Variants in USP40 observed in about 807,000 individuals in gnomAD.
USP40 encodes the protein ubiquitin specific peptidase 40.
A neutral mutation model predicts 166.2 loss-of-function variants in USP40; 143 were observed. The observed-to-expected ratio is 0.86, with a 90% CI of 0.75 to 0.99. The LOEUF (loss-of-function observed/expected upper bound fraction) is 0.99, where lower values mean the gene tolerates loss of function less well. Among genes scored for constraint, USP40 ranks in the 50% least tolerant of loss-of-function variants. The pLI is 0.00. For synonymous variants in USP40, 498 were observed against 524.0 expected, an observed-to-expected ratio of 0.95 and a Z score of 0.68; for missense variants, 1,444 against 1,479.7, an observed-to-expected ratio of 0.98 and a Z score of 0.40.
At chr2:233,525,386 G>C in intron 14 of USP40, 92 bp downstream of exon 14, 1 of 845,720 alleles carries the variant, frequency 1.2e-6, no homozygotes, top group Admixed American at 2.1e-5. Context: ...TAGTAGGTGG[G>C]GAAGGACTGA....
chr2:233,517,439 C>T (rs988280804), intron 18 of USP40, among the ~76,000 whole-genome samples: 2 of 140,120 alleles, frequency 1.4e-5, no homozygotes, highest in African/African-American at 5.4e-5. Flanking sequence ...GGCTGGAGAG[C>T]AGTGGCGCGA....
chr2:233,547,405 GA>G (rs751454796), intron 8 of USP40, among the ~76,000 whole-genome samples: 6 of 152,092 alleles, frequency 3.9e-5, no homozygotes, highest in South Asian at 2.1e-4. Flanking sequence ...TAGAATGTCA[GA>G]AATACAGACG....
rs553476711 is a variant in USP40 at position 233,488,934 on chromosome 2, G to T, written c.3131+431C>A. Among the ~76,000 whole-genome samples, 3 of 151,726 alleles carry T rather than the reference G, an allele frequency of 2.0e-5. No individual in the cohort carries two copies. The East Asian group carries it at 5.8e-4, about 29-fold the overall frequency. On this transcript the variant is annotated intron_variant, in intron 27 of 31. Transcript: ENST00000678225. ...AAGAAAAGAAAGAAAAGGAAAGAAA[G>T]GAAAGAAAGAAAAGAAAGAAACGAG...
At chr2:233,566,629 T>C in intron 1 of USP40, 55 bp downstream of exon 1, 1 of 951,272 alleles carries the variant, frequency 1.1e-6, no homozygotes, top group Non-Finnish European at 1.3e-6. Context: ...CCACCAACAC[T>C]GTCCCTACGC....
Position 233,489,475 on chromosome 2 carries a change from G to A in USP40, c.3021C>T (p.Thr1007=), listed in dbSNP as rs1377735593. The change falls in exon 27 of 32, where the codon ACC becomes ACT. Residue 1007 remains threonine, a synonymous_variant. Coordinates refer to ENST00000678225, the MANE Select transcript of USP40 (RefSeq NM_001365479.2). ...TLAELKSQAM[T]LPPFLEFGVP... is the part of the protein sequence containing the mutation. ...CACCGAACTCCAGGAAAGGAGGCAA[G>A]GTCATGGCCTAGAAAAAGAAACAGA... 3 of 1,600,646 alleles carry A rather than the reference G, an allele frequency of 1.9e-6. No individual in the cohort carries two copies. The highest frequency in any genetic ancestry group is 1.7e-5 in the Admixed American group (1 of 57,960).
chr2:233,549,199 C>CAT lies in USP40; in HGVS notation c.866_867dup (p.Asp290MetfsTer42). ...TTGTGTATAATAACTGAGAAGAGGT[C>CAT]ATATATATATTCTAAGTCATCCAAT... On this transcript the variant is annotated frameshift_variant, in exon 8 of 32. Transcript: ENST00000678225. LOFTEE classifies it high-confidence loss of function. 2.7e-6 allele frequency: 4 copies of CAT among 1,502,644 alleles called. No homozygotes were observed. Among genetic ancestry groups the CAT allele is most frequent in the Non-Finnish European group, 3.7e-6 (4 of 1,091,612 alleles). The allele number at this position is 1,502,644 out of a possible 1,614,324, so 93.1% of individuals were successfully genotyped here.
intron 21 of USP40, among the ~76,000 whole-genome samples, chr2:233,506,256 G>A (rs1010462815): frequency 2.0e-5 from 3 of 152,146 alleles, no homozygotes; most frequent in Admixed American, 6.5e-5. Flanking sequence ...GAAAATGATA[G>A]TCTCTTCAAC....
rs1265497394 is a variant in USP40, at chr2:233,481,126, TCA to T, written c.3599+75_3599+76del. 10 of 1,380,284 alleles carry T rather than the reference TCA, an allele frequency of 7.2e-6. No homozygotes were observed. The Admixed American group carries it at 2.2e-4, about 30-fold the overall frequency. The allele number at this position is 1,380,284 out of a possible 1,614,324, so 85.5% of individuals were successfully genotyped here. Reference sequence around the variant, plus strand: ...AATCAACAAGAGTTTCCGGTCCCTCTCAGTTTCCAAGCAGGAATAAGAGAGAG... The same window carrying T: ...AATCAACAAGAGTTTCCGGTCCCTCTGTTTCCAAGCAGGAATAAGAGAGAG... On this transcript the variant is annotated intron_variant, in intron 31 of 31. Coordinates refer to ENST00000678225, the MANE Select transcript of USP40 (RefSeq NM_001365479.2).
At position 233,529,814 on chromosome 2, in the gene USP40, C is replaced by CT. The variant is rs369071345; in HGVS notation, c.1472-303dup. 8.8e-4 allele frequency among the ~76,000 whole-genome samples: 118 copies of CT among 133,936 alleles called. 4 individuals carry two copies. Among genetic ancestry groups the CT allele is most frequent in the Admixed American group, 2.6e-3 (32 of 12,514 alleles). The allele number at this position is 133,936 out of a possible 152,430, so 87.9% of individuals were successfully genotyped here. On this transcript the variant is annotated intron_variant, in intron 11 of 31. Coordinates refer to ENST00000678225, the MANE Select transcript of USP40 (RefSeq NM_001365479.2). ...ATCTTTTTTTTTTCTTTTTCTTTTT[C>CT]TTTTTTTTTTTGAGACGGAGTCTCA...
rs1165305083 is a variant in USP40 at position 233,485,786 on chromosome 2, C to A, written c.3389G>T (p.Trp1130Leu). The change falls in exon 29 of 32, where the codon TGG becomes TTG. Residue 1130 changes from tryptophan (W) to leucine (L), a missense_variant. By Grantham distance (61) the Trp-to-Leu change is moderately conservative. Transcript: ENST00000678225. The part of the protein sequence containing the change: ...IAKYFPEKFE[W>L]LPISSWNQQI... ...CTTTACCCAGCTAGATATCGGAAGC[C>A]ACTCGAACTTTTCGGGAAAGTATTT... is the stretch of plus-strand genomic sequence containing the variant. 2 of 1,612,782 alleles carry A rather than the reference C, an allele frequency of 1.2e-6. No individual in the cohort carries two copies. The highest frequency in any genetic ancestry group is 1.7e-6 in the Non-Finnish European group (2 of 1,179,560).
At chr2:233,510,356 A>ATAAAT (rs2125152225) in intron 20 of USP40, among the ~76,000 whole-genome samples, 1 of 149,768 alleles carries the variant, frequency 6.7e-6, no homozygotes, top group Admixed American at 6.6e-5. Context: ...TTTACTCCTA[A>ATAAAT]TAAATGTCTC....
At chr2:233,516,206 T>C (rs2067182150) in intron 18 of USP40, among the ~76,000 whole-genome samples, 4 of 152,294 alleles carry the variant, frequency 2.6e-5, no homozygotes, top group African/African-American at 9.6e-5. Flanking sequence ...CTGTCTAGAG[T>C]AAGCCTTGAA....
chr2:233,556,351 C>A (rs2071096995), intron 5 of USP40, among the ~76,000 whole-genome samples: 1 of 152,100 alleles, frequency 6.6e-6, no homozygotes, highest in South Asian at 2.1e-4. Context: ...GAAGGTTATA[C>A]TAATTAACAT....
At chr2:233,510,905 C>G (rs1406118663) in intron 20 of USP40, among the ~76,000 whole-genome samples, 1 of 152,144 alleles carries the variant, frequency 6.6e-6, no homozygotes, top group Non-Finnish European at 1.5e-5. Context: ...TTATTCAGTT[C>G]CTCATAGCCC....
intron 17 of USP40, 36 bp downstream of exon 17, chr2:233,520,955 A>G: frequency 6.3e-7 from 1 of 1,585,330 alleles, no homozygotes. Context: ...GTTAACTGAA[A>G]ATCTATCAGC....
In USP40 at chr2:233,486,443, A is replaced by C. The variant is rs189923217; in HGVS notation, c.3198-466T>G. On this transcript the variant is annotated intron_variant, in intron 28 of 31. Coordinates refer to ENST00000678225, the MANE Select transcript of USP40 (RefSeq NM_001365479.2). This position sits in a 1 kb window ranked among gnomAD's most constrained non-coding sequence, Gnocchi z 4.0. Reference sequence around the variant, plus strand: ...AAGAACCTGAGGGTTGGAATTGGGAAGAGAGACACAGGGCGGGTGAGACAC... The same window carrying C: ...AAGAACCTGAGGGTTGGAATTGGGACGAGAGACACAGGGCGGGTGAGACAC... Among the ~76,000 whole-genome samples the C allele has an allele frequency of 6.6e-6, 1 of 152,084 alleles. No individual in the cohort carries two copies. Among genetic ancestry groups the C allele is most frequent in the East Asian group, 1.9e-4 (1 of 5,178 alleles).
chr2:233,512,465 G>C, intron 19 of USP40, 104 bp downstream of exon 19: 1 of 644,816 alleles, frequency 1.6e-6, no homozygotes, highest in Non-Finnish European at 2.4e-6. Context: ...CTATAAATCA[G>C]TTTCCAAAAG....
intron 30 of USP40, among the ~76,000 whole-genome samples, chr2:233,483,189 CTGTT>C (rs1391460539): frequency 1.3e-5 from 2 of 152,140 alleles, no homozygotes; most frequent in African/African-American, 4.8e-5. Context: ...TTTGCACTTT[CTGTT>C]TAAGAAATCC....
intron 4 of USP40, 72 bp downstream of exon 4, chr2:233,559,739 A>C: frequency 9.7e-7 from 1 of 1,035,886 alleles, no homozygotes; most frequent in Non-Finnish European, 1.4e-6. Context: ...AAAGGAAGTT[A>C]GATAACATTA....
Sources: gnomAD v4.1 joint callset for allele counts (sites outside exome capture counted in the v4.1 genomes callset) on GRCh38, gnomAD v4.1.1 for gene constraint, Gnocchi (gnomAD v3.1) non-coding constraint, MANE v1.5 for transcripts, NCBI Gene and HGNC (gene_info 2026-07-23, HGNC 2026-07-21) for gene names.